PLXNC1: variants seen among roughly 807,000 people sequenced by gnomAD.
The protein encoded by PLXNC1 is plexin-C1.
Under a neutral mutation model 178.2 loss-of-function variants are expected in PLXNC1, and 75 were observed. The observed-to-expected ratio is 0.42, with a 90% CI of 0.35 to 0.51. The LOEUF is 0.51. Ranked by LOEUF, PLXNC1 falls within the 20% of genes least tolerant of loss-of-function variation. PLXNC1 has a pLI of 0.02. For synonymous variants in PLXNC1, 790 were observed against 779.9 expected (o/e 1.01, Z -0.22); for missense variants, 1,503 against 1,984.4 (o/e 0.76, Z 4.61).
intron 21 of PLXNC1, among the ~76,000 whole-genome samples, chr12:94,276,312 G>A (rs1965952040): frequency 6.6e-6 from 1 of 152,106 alleles, no homozygotes. Flanking sequence ...GAGAAATAAG[G>A]CAAGACCCCA....
Position 94,282,313 on chromosome 12 carries a change from C to T in PLXNC1, c.3791C>T (p.Thr1264Ile), listed in dbSNP as rs780094566. ...TCTTTTTCAGAGCTTCAAATGGGCACACGACAGAAAGAACTTCTGGACATC... is the reference window on the plus strand; with the variant it reads ...TCTTTTTCAGAGCTTCAAATGGGCATACGACAGAAAGAACTTCTGGACATC... ...NEIGLELQMG[T>I]RQKELLDIDS... The change falls in exon 23 of 31, where the codon ACA becomes ATA. Residue 1264 changes from threonine (T) to isoleucine (I), a missense_variant. Transcript: ENST00000258526. 1 of 1,613,308 alleles carries T rather than the reference C, an allele frequency of 6.2e-7. No individual in the cohort carries two copies. The highest frequency in any genetic ancestry group is 1.1e-5 in the South Asian group (1 of 91,044).
At chr12:94,177,137 A>ATATATGTGTGTGTGTGTG (rs201041826) in intron 2 of PLXNC1, among the ~76,000 whole-genome samples, 1 of 67,412 alleles carries the variant, frequency 1.5e-5, no homozygotes, top group African/African-American at 7.6e-5. Flanking sequence ...GTGTATATAT[A>ATATATGTGTGTGTGTGTG]TGTGTGTGTG....
At chr12:94,263,725 G>A (rs1376101403) in intron 20 of PLXNC1, among the ~76,000 whole-genome samples, 1 of 152,148 alleles carries the variant, frequency 6.6e-6, no homozygotes. Flanking sequence ...TAGTCCTGCT[G>A]CCCTCCCTAC....
chr12:94,155,652 G>A (rs918302823), intron 1 of PLXNC1, among the ~76,000 whole-genome samples: 3 of 152,176 alleles, frequency 2.0e-5, no homozygotes, highest in African/African-American at 7.2e-5. Flanking sequence ...TGGGCTTAGA[G>A]TCTGAGTCTC....
chr12:94,245,989 A>G (rs1964518511), intron 12 of PLXNC1, among the ~76,000 whole-genome samples: 1 of 152,202 alleles, frequency 6.6e-6, no homozygotes, highest in South Asian at 2.1e-4. Context: ...TCAGAAGGTT[A>G]CCAATGGGAA....
intron 5 of PLXNC1, among the ~76,000 whole-genome samples, chr12:94,213,946 A>C (rs1266743215): frequency 1.3e-5 from 2 of 150,712 alleles, no homozygotes; most frequent in Non-Finnish European, 1.5e-5. Flanking sequence ...GGCTCACTGC[A>C]ACCTCCACCT....
At chr12:94,247,194 G>A (rs1010361067) in intron 12 of PLXNC1, among the ~76,000 whole-genome samples, 2 of 152,092 alleles carry the variant, frequency 1.3e-5, no homozygotes, top group African/African-American at 4.8e-5. Flanking sequence ...TTACAGGCGT[G>A]AGCCACTACG....
At position 94,237,734 on chromosome 12, in the gene PLXNC1, G is replaced by A; in HGVS notation, c.2051G>A (p.Gly684Glu). 1 of 1,613,924 alleles carries A rather than the reference G, an allele frequency of 6.2e-7. No individual in the cohort carries two copies. The highest frequency in any genetic ancestry group is 1.7e-5 in the Admixed American group (1 of 60,020). Residue 684 changes from glycine to glutamate, a missense_variant, in exon 10 of 31, where the codon GGA (glycine) becomes GAA (glutamate). Gly to Glu is a moderately conservative substitution (Grantham distance 98, BLOSUM62 -2). Around this residue, in one of 4 missense-constraint regions of PLXNC1, gnomAD observed 615 missense variants for 698.6 expected, o/e 0.88. Coordinates refer to ENST00000258526, the MANE Select transcript of PLXNC1 (RefSeq NM_005761.3). ...TLGKSNVIVT[G>E]ANFTRASNIT... ...GGGAAAAGCAACGTGATAGTAACGG[G>A]AGCAAACTTTACCCGGGCATCGAAC...
intron 1 of PLXNC1, among the ~76,000 whole-genome samples, chr12:94,160,537 A>G (rs1239657879): frequency 1.3e-5 from 2 of 152,274 alleles, no homozygotes; most frequent in East Asian, 3.9e-4. Flanking sequence ...TCTTCTCCTG[A>G]GGCTCCTTTC....
At chr12:94,212,244 A>C (rs1323295679) in intron 5 of PLXNC1, among the ~76,000 whole-genome samples, 2 of 136,900 alleles carry the variant, frequency 1.5e-5, no homozygotes, top group East Asian at 2.4e-4. Context: ...ACTGCTCTCC[A>C]GCCTGGGCGA....
chr12:94,163,404 G>A (rs929626184), intron 1 of PLXNC1, among the ~76,000 whole-genome samples: 9 of 152,014 alleles, frequency 5.9e-5, no homozygotes, highest in South Asian at 2.1e-4. Flanking sequence ...GCAGTTTCAC[G>A]CTATCTGCCA....
Position 94,297,205 on chromosome 12 carries a change from T to C in PLXNC1, c.3951T>C (p.Asp1317=). Residue 1317 remains aspartate, a synonymous_variant, in exon 25 of 31, where the codon GAT becomes GAC. Coordinates refer to ENST00000258526, the MANE Select transcript of PLXNC1 (RefSeq NM_005761.3). ...ANFTSDVEYS[D]DHCHLILPDS... ...GGCATTCAGATGTGGAGTACTCGGA[T>C]GACCACTGCCATTTGGTGAGTTCAG... 6.2e-7 allele frequency: 1 copy of C among 1,614,140 alleles called. No homozygotes were observed. Among genetic ancestry groups the C allele is most frequent in the Non-Finnish European group, 8.5e-7 (1 of 1,179,996 alleles).
intron 4 of PLXNC1, among the ~76,000 whole-genome samples, chr12:94,204,901 C>T (rs1365008292): frequency 6.6e-6 from 1 of 151,968 alleles, no homozygotes; most frequent in African/African-American, 2.4e-5. Flanking sequence ...AGTGTAGAAT[C>T]TTTGGAACAG....
intron 28 of PLXNC1, 39 bp from the exon 29 acceptor site, chr12:94,303,717 T>G: frequency 3.2e-6 from 4 of 1,250,398 alleles, no homozygotes; most frequent in Non-Finnish European, 3.2e-6. Flanking sequence ...TTTTTTACTC[T>G]TTTGGTGATG....
intron 21 of PLXNC1, among the ~76,000 whole-genome samples, chr12:94,274,507 G>A (rs562728547): frequency 1.2e-4 from 19 of 152,248 alleles, no homozygotes; most frequent in African/African-American, 4.3e-4. Flanking sequence ...GCTGCTGGTT[G>A]GACGACAAAC....
chr12:94,272,583 T>A (rs528362516), intron 21 of PLXNC1, among the ~76,000 whole-genome samples: 48 of 152,244 alleles, frequency 3.2e-4, no homozygotes, highest in African/African-American at 1.1e-3. Flanking sequence ...CTGCCACCGC[T>A]CCAAGCACTA....
chr12:94,196,035 T>A (rs1390857183), intron 4 of PLXNC1, among the ~76,000 whole-genome samples: 1 of 152,194 alleles, frequency 6.6e-6, no homozygotes, highest in Non-Finnish European at 1.5e-5. Flanking sequence ...GGCCTATCAT[T>A]AACCTGCTGG....
chr12:94,223,190 G>T (rs564392636), intron 6 of PLXNC1, among the ~76,000 whole-genome samples: 1 of 152,320 alleles, frequency 6.6e-6, no homozygotes, highest in East Asian at 1.9e-4. Context: ...GAGGCGGGCA[G>T]ATCACTTGAG....
In PLXNC1 at chr12:94,164,815, C is replaced by G. The variant is rs574355523; in HGVS notation, c.1063-4338C>G. ...CCAAACATCGCTTGAGCCAAGGTAG[C>G]TTTCTCCTCCAACTGAGAAAAGTTT... is the stretch of plus-strand genomic sequence containing the variant. On this transcript the variant is annotated intron_variant, in intron 1 of 30. Transcript: ENST00000258526. Among the ~76,000 whole-genome samples, 4 of 152,274 alleles carry G rather than the reference C, an allele frequency of 2.6e-5. No individual in the cohort carries two copies. In the South Asian group the frequency reaches 6.2e-4, roughly 24 times the overall value.
Sources: gnomAD v4.1 joint callset for allele counts (sites outside exome capture counted in the v4.1 genomes callset) on GRCh38, gnomAD v4.1.1 for gene constraint, gnomAD v4.1.1 regional missense constraint, MANE v1.5 for transcripts, NCBI Gene and HGNC (gene_info 2026-07-23, HGNC 2026-07-21) for gene names.